FAM110D: variants seen among roughly 807,000 people sequenced by gnomAD.
The protein encoded by FAM110D is protein FAM110D.
For missense variants in FAM110D, 376 were observed against 395.6 expected (o/e 0.95, Z 0.42); for synonymous variants, 174 against 189.4 (o/e 0.92, Z 0.67).
In FAM110D at chr1:26,162,256, CG is replaced by C. The variant is rs1281295764; in HGVS notation, c.*150del. ...TTGGGGAGGTGGAACAAGTTGCTGC[CG>C]AAGGCCCTTCCCTGCTCCCGCGGCG... On this transcript the variant is annotated 3_prime_UTR_variant, in exon 2 of 2. Transcript: ENST00000374268. The surrounding 1 kb of genome is among the most constrained non-coding windows in gnomAD (Gnocchi z 5.3). 2.7e-5 allele frequency: 13 copies of C among 482,886 alleles called. No individual in the cohort carries two copies. Among genetic ancestry groups the C allele is most frequent in the Middle Eastern group, 1.2e-3 (2 of 1,614 alleles). The allele number at this position is 482,886 out of a possible 1,614,324, so 29.9% of individuals were successfully genotyped here.
chr1:26,161,524 T>C lies in FAM110D; in HGVS notation c.233T>C (p.Leu78Pro). The change falls in exon 2 of 2, where the codon CTG (leucine) becomes CCG (proline). Residue 78 changes from leucine (L) to proline (P), a missense_variant. Transcript: ENST00000374268. The surrounding 1 kb of genome is among the most constrained non-coding windows in gnomAD (Gnocchi z 5.4). ...RPVRRGSGRRLPRPDSLIFYR... is the reference protein window; with the variant it reads ...RPVRRGSGRRPPRPDSLIFYR... ...GTCCGCCGGGGAAGCGGCAGGCGGC[T>C]GCCGAGGCCTGATTCCCTCATCTTC... 3 of 1,550,722 alleles carry C rather than the reference T, an allele frequency of 1.9e-6. No individual in the cohort carries two copies. The highest frequency in any genetic ancestry group is 2.6e-6 in the Non-Finnish European group (3 of 1,147,106).
At chr1:26,159,403 G>A (rs1263439386) in intron 1 of FAM110D, among the ~76,000 whole-genome samples, 1 of 152,094 alleles carries the variant, frequency 6.6e-6, no homozygotes, top group African/African-American at 2.4e-5. Flanking sequence ...AGACTATTTT[G>A]GTCCTTGTGA....
chr1:26,160,362 G>A (rs1293838923), intron 1 of FAM110D, among the ~76,000 whole-genome samples: 1 of 152,124 alleles, frequency 6.6e-6, no homozygotes, highest in African/African-American at 2.4e-5. Context: ...CCAAAGTGCT[G>A]GGATTACAGG....
chr1:26,161,932 G>C lies in FAM110D; in HGVS notation c.641G>C (p.Ser214Thr). The C allele has an allele frequency of 7.1e-7, 1 of 1,401,144 alleles. No homozygotes were observed. The highest frequency in any genetic ancestry group is 9.2e-7 in the Non-Finnish European group (1 of 1,086,416). 86.8% of individuals were successfully genotyped at this position (1,401,144 alleles called of 1,614,324 possible). The change falls in exon 2 of 2, where the codon AGC becomes ACC. Residue 214 changes from serine (S) to threonine (T), a missense_variant. Coordinates refer to ENST00000374268, the MANE Select transcript of FAM110D (RefSeq NM_024869.3). This position sits in a 1 kb window ranked among gnomAD's most constrained non-coding sequence, Gnocchi z 5.4. ...GSGDASDWTS[S>T]DRGVDSPGGA... is the part of the protein sequence containing the mutation. ...GGGGACGCCAGCGACTGGACATCCA[G>C]CGACAGGGGCGTGGACAGCCCGGGC...
Position 26,161,967 on chromosome 1 carries a change from G to A in FAM110D, c.676G>A (p.Gly226Ser). 1 of 1,244,548 alleles carries A rather than the reference G, an allele frequency of 8.0e-7. No individual in the cohort carries two copies. The highest frequency in any genetic ancestry group is 1.6e-5 in the African/African-American group (1 of 64,170). The allele number at this position is 1,244,548 out of a possible 1,614,324, so 77.1% of individuals were successfully genotyped here. Residue 226 changes from glycine (G) to serine (S), a missense_variant, in exon 2 of 2, where the codon GGC (glycine) becomes AGC (serine). Transcript: ENST00000374268. This position sits in a 1 kb window ranked among gnomAD's most constrained non-coding sequence, Gnocchi z 5.4. ...RGVDSPGGAG[G>S]GGGSEAAGSA... Reference sequence around the variant, plus strand: ...CGTGGACAGCCCGGGCGGCGCGGGCGGCGGCGGCGGCTCGGAGGCAGCGGG... The same window carrying A: ...CGTGGACAGCCCGGGCGGCGCGGGCAGCGGCGGCGGCTCGGAGGCAGCGGG...
chr1:26,163,610 C>T lies in FAM110D; in HGVS notation c.*1503C>T, dbSNP rs1183047092. 2 of 142,446 alleles carry T rather than the reference C, an allele frequency of 1.4e-5. 1 individual carries two copies. The highest frequency in any genetic ancestry group is 3.1e-5 in the Non-Finnish European group (2 of 64,996). 8.8% of individuals were successfully genotyped at this position (142,446 alleles called of 1,614,324 possible). A position where few individuals can be genotyped will look rare whatever the true frequency, so the allele number is the denominator to read the frequency against. On this transcript the variant is annotated 3_prime_UTR_variant, in exon 2 of 2. Coordinates refer to ENST00000374268, the MANE Select transcript of FAM110D (RefSeq NM_024869.3). Reference sequence around the variant, plus strand: ...CCGCCCGCCTCGGCCTCCCAAAGTGCTGGGATTACAGGCGTGAGCCACCGC... The same window carrying T: ...CCGCCCGCCTCGGCCTCCCAAAGTGTTGGGATTACAGGCGTGAGCCACCGC...
Position 26,161,680 on chromosome 1 carries a change from C to T in FAM110D, c.389C>T (p.Pro130Leu), listed in dbSNP as rs1273496761. Residue 130 changes from proline (P) to leucine (L), a missense_variant, in exon 2 of 2, where the codon CCT (proline) becomes CTT (leucine). Coordinates refer to ENST00000374268, the MANE Select transcript of FAM110D (RefSeq NM_024869.3). This position sits in a 1 kb window ranked among gnomAD's most constrained non-coding sequence, Gnocchi z 5.4. ...AGCAGCCCGGCCTCCACAGAGCGAC[C>T]TGCGGCTTCAGGGGGTTGGGCTGCG... ...APSSPASTER[P>L]AASGGWAAPQ... 6 of 1,551,998 alleles carry T rather than the reference C, an allele frequency of 3.9e-6. No homozygotes were observed. The highest frequency in any genetic ancestry group is 5.2e-6 in the Non-Finnish European group (6 of 1,148,008).
chr1:26,159,601 T>C (rs10902717), intron 1 of FAM110D, among the ~76,000 whole-genome samples: 87,102 of 149,146 alleles, frequency 0.58, 26,242 homozygotes, highest in East Asian at 0.92. Flanking sequence ...CTCAACTACC[T>C]ATGAGCAGAC....
In FAM110D at chr1:26,162,343, G is replaced by C. The variant is rs976463344; in HGVS notation, c.*236G>C. On this transcript the variant is annotated 3_prime_UTR_variant, in exon 2 of 2. Coordinates refer to ENST00000374268, the MANE Select transcript of FAM110D (RefSeq NM_024869.3). This position sits in a 1 kb window ranked among gnomAD's most constrained non-coding sequence, Gnocchi z 5.3. Reference sequence around the variant, plus strand: ...ACCCGGTCTGGGGAGTCACGATTGGGGTGGGAGATGAGCAAACCTGCTGAA... The same window carrying C: ...ACCCGGTCTGGGGAGTCACGATTGGCGTGGGAGATGAGCAAACCTGCTGAA... 134 of 361,946 alleles carry C rather than the reference G, an allele frequency of 3.7e-4. No individual in the cohort carries two copies. Among genetic ancestry groups the C allele is most frequent in the Non-Finnish European group, 6.0e-4 (116 of 193,692 alleles). 22.4% of individuals were successfully genotyped at this position (361,946 alleles called of 1,614,324 possible). A position where few individuals can be genotyped will look rare whatever the true frequency, so the allele number is the denominator to read the frequency against.
chr1:26,160,357 G>T (rs1163105224), intron 1 of FAM110D, among the ~76,000 whole-genome samples: 1 of 152,134 alleles, frequency 6.6e-6, no homozygotes, highest in Non-Finnish European at 1.5e-5. Flanking sequence ...GCCTCCCAAA[G>T]TGCTGGGATT....
rs2088394267 is a variant in FAM110D at position 26,163,895 on chromosome 1, T to C, written c.*1788T>C. On this transcript the variant is annotated 3_prime_UTR_variant, in exon 2 of 2. Transcript: ENST00000374268. ...AATTAAATGAGGCTGGAGAGGGCGA[T>C]GGACGCAGTCCTCTGGAGCTCTCCA... 1 of 353,162 alleles carries C rather than the reference T, an allele frequency of 2.8e-6. No individual in the cohort carries two copies. The highest frequency in any genetic ancestry group is 5.1e-6 in the Non-Finnish European group (1 of 197,830). The allele number at this position is 353,162 out of a possible 1,614,324, so 21.9% of individuals were successfully genotyped here. A position where few individuals can be genotyped will look rare whatever the true frequency, so the allele number is the denominator to read the frequency against.
In FAM110D at chr1:26,161,468, G is replaced by A. The variant is rs1445238594; in HGVS notation, c.177G>A (p.Gly59=). ...PLTPHPCNEL[G]PPASPRTPRP... ...CGCCGCACCCCTGCAACGAGCTGGGGCCCCCTGCATCGCCCAGGACGCCCA... is the reference window on the plus strand; with the variant it reads ...CGCCGCACCCCTGCAACGAGCTGGGACCCCCTGCATCGCCCAGGACGCCCA... Residue 59 remains glycine (G), a synonymous_variant, in exon 2 of 2, where the codon GGG becomes GGA. Coordinates refer to ENST00000374268, the MANE Select transcript of FAM110D (RefSeq NM_024869.3). This position sits in a 1 kb window ranked among gnomAD's most constrained non-coding sequence, Gnocchi z 5.4. The A allele has an allele frequency of 1.3e-6, 2 of 1,561,632 alleles. No individual in the cohort carries two copies. The highest frequency in any genetic ancestry group is 1.7e-6 in the Non-Finnish European group (2 of 1,153,570).
In FAM110D at chr1:26,161,019, G is replaced by C. The variant is rs2088361627; in HGVS notation, c.-80-193G>C. 6.6e-6 allele frequency among the ~76,000 whole-genome samples: 1 copy of C among 152,226 alleles called. No individual in the cohort carries two copies. Among genetic ancestry groups the C allele is most frequent in the African/African-American group, 2.4e-5 (1 of 41,466 alleles). ...CCTTCAAAGGGGAATATGTTTCTGA[G>C]TGGCCAGAGAGACCCCACTCAATGT... is the stretch of plus-strand genomic sequence containing the variant. On this transcript the variant is annotated intron_variant, in intron 1 of 1. Coordinates refer to ENST00000374268, the MANE Select transcript of FAM110D (RefSeq NM_024869.3). This position sits in a 1 kb window ranked among gnomAD's most constrained non-coding sequence, Gnocchi z 5.4.
Position 26,161,932 on chromosome 1 carries a change from G to A in FAM110D, c.641G>A (p.Ser214Asn). The A allele has an allele frequency of 7.1e-7, 1 of 1,401,144 alleles. No homozygotes were observed. The highest frequency in any genetic ancestry group is 9.2e-7 in the Non-Finnish European group (1 of 1,086,416). The allele number at this position is 1,401,144 out of a possible 1,614,324, so 86.8% of individuals were successfully genotyped here. A position where few individuals can be genotyped will look rare whatever the true frequency, so the allele number is the denominator to read the frequency against. Residue 214 changes from serine to asparagine, a missense_variant, in exon 2 of 2, where the codon AGC becomes AAC. By Grantham distance (46) the Ser-to-Asn change is conservative. Coordinates refer to ENST00000374268, the MANE Select transcript of FAM110D (RefSeq NM_024869.3). The surrounding 1 kb of genome is among the most constrained non-coding windows in gnomAD (Gnocchi z 5.4). ...GSGDASDWTS[S>N]DRGVDSPGGA... is the part of the protein sequence containing the mutation. ...GGGGACGCCAGCGACTGGACATCCA[G>A]CGACAGGGGCGTGGACAGCCCGGGC...
At chr1:26,160,629 T>C (rs950789935) in intron 1 of FAM110D, among the ~76,000 whole-genome samples, 8 of 152,272 alleles carry the variant, frequency 5.3e-5, no homozygotes, top group Non-Finnish European at 7.3e-5. Flanking sequence ...TTTGGCATTC[T>C]GCGATCCCCT....
chr1:26,161,988 G>A lies in FAM110D; in HGVS notation c.697G>A (p.Ala233Thr). 1 of 1,238,642 alleles carries A rather than the reference G, an allele frequency of 8.1e-7. No individual in the cohort carries two copies. Among genetic ancestry groups the A allele is most frequent in the Non-Finnish European group, 1.0e-6 (1 of 995,580 alleles). 76.7% of individuals were successfully genotyped at this position (1,238,642 alleles called of 1,614,324 possible). The change falls in exon 2 of 2, where the codon GCG becomes ACG. Residue 233 changes from alanine (A) to threonine (T), a missense_variant. Transcript: ENST00000374268. This position sits in a 1 kb window ranked among gnomAD's most constrained non-coding sequence, Gnocchi z 5.4. Reference protein sequence around the residue: ...GAGGGGGSEAAGSARDRRPPV... With the variant: ...GAGGGGGSEATGSARDRRPPV... ...GGGCGGCGGCGGCGGCTCGGAGGCA[G>A]CGGGCTCGGCGCGGGACCGGCGCCC... is the stretch of plus-strand genomic sequence containing the variant.
Position 26,161,472 on chromosome 1 carries a change from C to T in FAM110D, c.181C>T (p.Pro61Ser), listed in dbSNP as rs768065020. 5.1e-6 allele frequency: 8 copies of T among 1,559,290 alleles called. No individual in the cohort carries two copies. Among genetic ancestry groups the T allele is most frequent in the Non-Finnish European group, 6.9e-6 (8 of 1,152,150 alleles). ...GCACCCCTGCAACGAGCTGGGGCCC[C>T]CTGCATCGCCCAGGACGCCCAGGCC... ...TPHPCNELGP[P>S]ASPRTPRPVR... The change falls in exon 2 of 2, where the codon CCT becomes TCT. Residue 61 changes from proline (P) to serine (S), a missense_variant. Transcript: ENST00000374268. The surrounding 1 kb of genome is among the most constrained non-coding windows in gnomAD (Gnocchi z 5.4).
In FAM110D at chr1:26,161,981, G is replaced by T; in HGVS notation, c.690G>T (p.Ser230=). 1.6e-6 allele frequency: 2 copies of T among 1,240,786 alleles called. No homozygotes were observed. Among genetic ancestry groups the T allele is most frequent in the Non-Finnish European group, 2.0e-6 (2 of 996,886 alleles). The allele number at this position is 1,240,786 out of a possible 1,614,324, so 76.9% of individuals were successfully genotyped here. A position where few individuals can be genotyped will look rare whatever the true frequency, so the allele number is the denominator to read the frequency against. The change falls in exon 2 of 2, where the codon TCG becomes TCT. Residue 230 remains serine (S), a synonymous_variant. Transcript: ENST00000374268. This position sits in a 1 kb window ranked among gnomAD's most constrained non-coding sequence, Gnocchi z 5.4. ...SPGGAGGGGG[S]EAAGSARDRR... Reference sequence around the variant, plus strand: ...GCGGCGCGGGCGGCGGCGGCGGCTCGGAGGCAGCGGGCTCGGCGCGGGACC... The same window carrying T: ...GCGGCGCGGGCGGCGGCGGCGGCTCTGAGGCAGCGGGCTCGGCGCGGGACC...
chr1:26,162,092 C>T lies in FAM110D; in HGVS notation c.801C>T (p.Arg267=). 7.9e-7 allele frequency: 1 copy of T among 1,271,180 alleles called. No homozygotes were observed. Among genetic ancestry groups the T allele is most frequent in the Non-Finnish European group, 9.9e-7 (1 of 1,009,478 alleles). The allele number at this position is 1,271,180 out of a possible 1,614,324, so 78.7% of individuals were successfully genotyped here. A position where few individuals can be genotyped will look rare whatever the true frequency, so the allele number is the denominator to read the frequency against. The change falls in exon 2 of 2, where the codon CGC becomes CGT. Residue 267 remains arginine, a synonymous_variant. Transcript: ENST00000374268. The surrounding 1 kb of genome is among the most constrained non-coding windows in gnomAD (Gnocchi z 5.3). ...GCCAGCGCGCCCGCGGACCGCCGCGCGAGTCCGAGGTGTGACCGCCGCGGC... is the reference window on the plus strand; with the variant it reads ...GCCAGCGCGCCCGCGGACCGCCGCGTGAGTCCGAGGTGTGACCGCCGCGGC... ...YGCQRARGPP[R]ESEV
Sources: allele counts gnomAD v4.1 joint callset (sites outside exome capture counted in the v4.1 genomes callset), GRCh38; gene constraint gnomAD v4.1.1; non-coding constraint Gnocchi (gnomAD v3.1); transcripts MANE v1.5; gene names NCBI Gene and HGNC (gene_info 2026-07-23, HGNC 2026-07-21).